LIFR: variants seen among roughly 807,000 people sequenced by gnomAD.
LIFR encodes leukemia inhibitory factor receptor.
A neutral mutation model predicts 122.2 loss-of-function variants in LIFR; 84 were observed. The ratio of observed to expected loss-of-function variants is 0.69; its 90% confidence interval spans 0.58 to 0.82. The LOEUF is 0.82. LIFR is among the 40% of genes least tolerant of loss of function. The probability of loss-of-function intolerance (pLI) is 0.00; values close to 1 mark genes in which losing one functional copy is unlikely to be tolerated. For synonymous variants in LIFR, 422 were observed against 434.7 expected (o/e 0.97, Z 0.36); for missense variants, 1,294 against 1,311.6 (o/e 0.99, Z 0.21).
intron 1 of LIFR, among the ~76,000 whole-genome samples, chr5:38,590,093 C>T (rs1749875358): frequency 6.6e-6 from 1 of 152,146 alleles, no homozygotes; most frequent in South Asian, 2.1e-4. Context: ...TAGAGTTAGC[C>T]TCAAGTCTTT....
intron 10 of LIFR, 114 bp from the exon 11 acceptor site, chr5:38,502,913 A>G: frequency 2.0e-6 from 1 of 497,376 alleles, no homozygotes; most frequent in East Asian, 3.5e-5. Flanking sequence ...CACATTTGTA[A>G]CACAAACCAA....
At chr5:38,522,726 A>G (rs1746469031) in intron 5 of LIFR, among the ~76,000 whole-genome samples, 1 of 152,232 alleles carries the variant, frequency 6.6e-6, no homozygotes, top group East Asian at 1.9e-4. Context: ...AGTATGAAAT[A>G]TAGAATAATC....
At chr5:38,521,094 T>C (rs1746374157) in intron 5 of LIFR, among the ~76,000 whole-genome samples, 1 of 152,214 alleles carries the variant, frequency 6.6e-6, no homozygotes, top group Non-Finnish European at 1.5e-5. Context: ...CTTTGTGTCC[T>C]CTTCAATTTC....
At chr5:38,556,888 A>T (rs1233980599), upstream of LIFR, 1 of 151,690 alleles carries the variant, frequency 6.6e-6, no homozygotes, top group African/African-American at 2.4e-5. Context: ...GGCCGCTCTC[A>T]GAAGGTCATG....
intron 16 of LIFR, among the ~76,000 whole-genome samples, chr5:38,487,467 C>A (rs567247737): frequency 6.6e-6 from 1 of 152,314 alleles, no homozygotes; most frequent in Non-Finnish European, 1.5e-5. Context: ...CTGATCATTT[C>A]TTTCACATTA....
intron 4 of LIFR, among the ~76,000 whole-genome samples, chr5:38,526,439 G>GTA (rs879838742): frequency 7.5e-6 from 1 of 134,064 alleles, no homozygotes; most frequent in Non-Finnish European, 1.6e-5. Flanking sequence ...GTGTGTGTGT[G>GTA]TGTATATATA....
At chr5:38,584,045 G>C (rs1328959438) in intron 1 of LIFR, among the ~76,000 whole-genome samples, 1 of 151,560 alleles carries the variant, frequency 6.6e-6, no homozygotes, top group Non-Finnish European at 1.5e-5. Flanking sequence ...TAATTACCCA[G>C]TCTCGGGTAT....
chr5:38,484,152 G>A (rs182555571), intron 18 of LIFR, among the ~76,000 whole-genome samples: 3 of 152,342 alleles, frequency 2.0e-5, no homozygotes, highest in African/African-American at 7.2e-5. Flanking sequence ...CCGCAGACCA[G>A]CCGTGACGGG....
chr5:38,516,119 A>G (rs1287939465), intron 5 of LIFR, among the ~76,000 whole-genome samples: 1 of 152,124 alleles, frequency 6.6e-6, no homozygotes, highest in Non-Finnish European at 1.5e-5. Flanking sequence ...TTTTCCCAAA[A>G]GTAAGGAATT....
In LIFR at chr5:38,476,942, C is replaced by A; in HGVS notation, c.*4653G>T. On this transcript the variant is annotated 3_prime_UTR_variant, in exon 20 of 20. Coordinates refer to ENST00000453190, the MANE Select transcript of LIFR (RefSeq NM_001127671.2). Reference sequence around the variant, plus strand: ...AGGGAAAAATAAGCACCATTCATAGCTAAAAATAATAGAATCCTGTCATAA... The same window carrying A: ...AGGGAAAAATAAGCACCATTCATAGATAAAAATAATAGAATCCTGTCATAA... 4.6e-6 allele frequency: 1 copy of A among 218,680 alleles called. No homozygotes were observed. Among genetic ancestry groups the A allele is most frequent in the Non-Finnish European group, 9.2e-6 (1 of 108,868 alleles). 13.5% of individuals were successfully genotyped at this position (218,680 alleles called of 1,614,324 possible).
chr5:38,516,976 A>G (rs572467392), intron 5 of LIFR, among the ~76,000 whole-genome samples: 4 of 152,040 alleles, frequency 2.6e-5, no homozygotes, highest in Non-Finnish European at 5.9e-5. Context: ...CAAACACCGC[A>G]TGTTCTCACT....
rs992038336 is a variant in LIFR, at chr5:38,506,582, C to T, written c.1042G>A (p.Glu348Lys). 19 of 1,613,344 alleles carry T rather than the reference C, an allele frequency of 1.2e-5. No individual in the cohort carries two copies. The Admixed American group carries it at 1.3e-4, about 11-fold the overall frequency. ...CCTGGATTCCAACTACATATAATTTCTTTTAAATCATGTGTCTCACAATTC... is the reference window on the plus strand; with the variant it reads ...CCTGGATTCCAACTACATATAATTTTTTTTAAATCATGTGTCTCACAATTC... ...QLNCETHDLKEIICSWNPGRV... is the reference protein window; with the variant it reads ...QLNCETHDLKKIICSWNPGRV... The change falls in exon 8 of 20, where the codon GAA becomes AAA. Residue 348 changes from glutamate (E) to lysine (K), a missense_variant. Physicochemically the swap from Glu to Lys is moderately conservative, Grantham distance 56. Coordinates refer to ENST00000453190, the MANE Select transcript of LIFR (RefSeq NM_001127671.2).
rs1474505749 is a variant in LIFR at position 38,485,819 on chromosome 5, A to T, written c.2497T>A (p.Ser833Thr). 6.2e-7 allele frequency: 1 copy of T among 1,613,954 alleles called. No individual in the cohort carries two copies. The highest frequency in any genetic ancestry group is 1.1e-5 in the South Asian group (1 of 91,070). ...ACCTCAACAGCAACCTGAAACTTAC[A>T]ATTTTCCTTTGTCACCACATACATA... The part of the protein sequence containing the change: ...KSMYVVTKEN[S>T]VGLIIAILIP... Residue 833 changes from serine to threonine, a missense_variant and splice_region_variant, in exon 17 of 20, where the codon TCT (serine) becomes ACT (threonine). Transcript: ENST00000453190.
rs1749283446 is a variant in LIFR at position 38,573,532 on chromosome 5, T to C, written c.-20+21729A>G. 4.6e-5 allele frequency among the ~76,000 whole-genome samples: 7 copies of C among 152,324 alleles called. No homozygotes were observed. In the South Asian group the frequency reaches 1.4e-3, roughly 32 times the overall value. On this transcript the variant is annotated intron_variant, in intron 1 of 19. Transcript: ENST00000263409. The stretch of plus-strand genomic sequence containing the variant: ...ATCTACTGAAAGAACTAACTTAATA[T>C]CAGAGCAAATGAAATTAAATAATTT...
At chr5:38,531,295 T>A (rs1309599503) in intron 1 of LIFR, among the ~76,000 whole-genome samples, 1 of 152,210 alleles carries the variant, frequency 6.6e-6, no homozygotes, top group Admixed American at 6.5e-5. Context: ...AAGATCCTTA[T>A]GATACACTGA....
chr5:38,582,446 A>G (rs1462571870), intron 1 of LIFR, among the ~76,000 whole-genome samples: 2 of 152,062 alleles, frequency 1.3e-5, no homozygotes, highest in Non-Finnish European at 2.9e-5. Context: ...TCGTTTTCTT[A>G]TTTTGCCCTC....
Position 38,480,109 on chromosome 5 carries a change from GATA to G in LIFR, c.*1483_*1485del, listed in dbSNP as rs2112347133. Reference sequence around the variant, plus strand: ...GCAAATACATTACAGAATCTCAGATGATAAAAAACAAACAAACAACCAAAAAAA... The same window carrying G: ...GCAAATACATTACAGAATCTCAGATGAAAAACAAACAAACAACCAAAAAAA... On this transcript the variant is annotated 3_prime_UTR_variant, in exon 20 of 20. Coordinates refer to ENST00000453190, the MANE Select transcript of LIFR (RefSeq NM_001127671.2). The G allele has an allele frequency of 9.0e-6, 2 of 222,720 alleles. No homozygotes were observed. The highest frequency in any genetic ancestry group is 1.3e-4 in the East Asian group (2 of 15,654). The allele number at this position is 222,720 out of a possible 1,614,324, so 13.8% of individuals were successfully genotyped here.
chr5:38,596,505 T>C (rs577314102), upstream of LIFR, among the ~76,000 whole-genome samples: 78 of 152,088 alleles, frequency 5.1e-4, no homozygotes, highest in African/African-American at 1.9e-3. Flanking sequence ...GCTTGAGAAG[T>C]TACATTTCTA....
chr5:38,512,282 G>T (rs1207316756), intron 5 of LIFR, among the ~76,000 whole-genome samples: 4 of 151,954 alleles, frequency 2.6e-5, no homozygotes, highest in Non-Finnish European at 4.4e-5. Flanking sequence ...CACCTTTTCA[G>T]ATTGCATTAT....
Sources: gnomAD v4.1 joint callset for allele counts (sites outside exome capture counted in the v4.1 genomes callset) on GRCh38, gnomAD v4.1.1 for gene constraint, MANE v1.5 for transcripts, NCBI Gene and HGNC (gene_info 2026-07-23, HGNC 2026-07-21) for gene names.